The following ANO3 variants were observed in gnomAD, a reference collection of about 807,000 sequenced individuals.
ANO3 encodes anoctamin 3, also known as anoctamin-3.
ANO3 carries 99 observed loss-of-function variants against 144.8 expected under a neutral mutation model. The observed-to-expected ratio is 0.68, with a 90% CI of 0.58 to 0.81. The LOEUF (loss-of-function observed/expected upper bound fraction) is 0.81. ANO3 is among the 30% of genes least tolerant of loss of function. The pLI is 0.00. For missense variants in ANO3, 905 were observed against 1,202.2 expected (o/e 0.75, Z 3.66); for synonymous variants, 414 against 392.6 (o/e 1.05, Z -0.64).
At chr11:26,243,284 C>T (rs1334045835) in intron 1 of ANO3, among the ~76,000 whole-genome samples, 8 of 151,106 alleles carry the variant, frequency 5.3e-5, no homozygotes, top group Admixed American at 5.3e-4. Flanking sequence ...TCTCTCTCAC[C>T]CTCTCTCTCT....
chr11:26,336,709 A>G (rs1365306655), intron 1 of ANO3, among the ~76,000 whole-genome samples: 1 of 151,498 alleles, frequency 6.6e-6, no homozygotes, highest in Non-Finnish European at 1.5e-5. Context: ...CTTACAATCT[A>G]GAACCTCCCT....
chr11:26,459,623 TAGGCC>T (rs1859305747), intron 3 of ANO3, among the ~76,000 whole-genome samples: 2 of 151,834 alleles, frequency 1.3e-5, no homozygotes, highest in South Asian at 2.1e-4. Context: ...TATATATATA[TAGGCC>T]AGGCCAGGCT....
chr11:26,261,680 T>C (rs949050446), intron 1 of ANO3, among the ~76,000 whole-genome samples: 1 of 152,192 alleles, frequency 6.6e-6, no homozygotes, highest in Non-Finnish European at 1.5e-5. Context: ...AACTGTTTCA[T>C]TTTAGATGGG....
At chr11:26,291,005 G>A (rs1853943605) in intron 1 of ANO3, among the ~76,000 whole-genome samples, 1 of 152,140 alleles carries the variant, frequency 6.6e-6, no homozygotes, top group Non-Finnish European at 1.5e-5. Context: ...TGTTGACAGT[G>A]GGATGTTAAA....
chr11:26,471,143 A>T (rs1429537770), intron 4 of ANO3, among the ~76,000 whole-genome samples: 1 of 152,004 alleles, frequency 6.6e-6, no homozygotes, highest in African/African-American at 2.4e-5. Context: ...TAAGGAATTA[A>T]CAGAAACGTT....
chr11:26,622,345 AT>A (rs1206648996), intron 17 of ANO3, among the ~76,000 whole-genome samples: 4 of 151,480 alleles, frequency 2.6e-5, no homozygotes, highest in Admixed American at 1.3e-4. Flanking sequence ...GTGGTGGCTC[AT>A]GTCTGTAATC....
intron 18 of ANO3, 69 bp downstream of exon 18, chr11:26,624,567 C>A: frequency 2.7e-6 from 3 of 1,130,080 alleles, no homozygotes; most frequent in Admixed American, 3.9e-5. Flanking sequence ...TCTGTAGTTA[C>A]TTTATATAAT....
chr11:26,193,452 T>C (rs551287810), intron 1 of ANO3, among the ~76,000 whole-genome samples: 14 of 152,178 alleles, frequency 9.2e-5, no homozygotes, highest in Admixed American at 2.0e-4. Flanking sequence ...ATTTTGCCTA[T>C]CTTTAGATGA....
chr11:26,644,699 G>A (rs540633230), intron 23 of ANO3, among the ~76,000 whole-genome samples: 28 of 152,090 alleles, frequency 1.8e-4, no homozygotes, highest in East Asian at 7.7e-4. Flanking sequence ...TTTTCTAACC[G>A]TGAGATTAAG....
intron 4 of ANO3, among the ~76,000 whole-genome samples, chr11:26,502,239 T>A (rs575513673): frequency 2.2e-4 from 33 of 152,302 alleles, no homozygotes; most frequent in African/African-American, 7.7e-4. Context: ...TGATTTTTTT[T>A]AGTTAAAATA....
At chr11:26,341,438 C>T (rs1364584059) in intron 1 of ANO3, among the ~76,000 whole-genome samples, 1 of 152,090 alleles carries the variant, frequency 6.6e-6, no homozygotes, top group Non-Finnish European at 1.5e-5. Flanking sequence ...ATTTCAGTTT[C>T]TTTAGTTATG....
At chr11:26,450,672 T>A (rs1033637306) in intron 3 of ANO3, among the ~76,000 whole-genome samples, 1 of 152,172 alleles carries the variant, frequency 6.6e-6, no homozygotes, top group Admixed American at 6.5e-5. Flanking sequence ...AATGGAGATA[T>A]CAATATTAAT....
intron 1 of ANO3, among the ~76,000 whole-genome samples, chr11:26,251,041 A>T (rs11600572): frequency 0.22 from 34,191 of 152,084 alleles, 4,631 homozygotes; most frequent in South Asian, 0.29. Flanking sequence ...GATCAGCATC[A>T]TCAAAGAGTA....
Position 26,596,511 on chromosome 11 carries a change from G to A in ANO3, c.1448-1854G>A, listed in dbSNP as rs536688232. Among the ~76,000 whole-genome samples the A allele has an allele frequency of 8.6e-4, 131 of 152,298 alleles. 1 individual carries two copies. The highest frequency in any genetic ancestry group is 6.8e-3 in the Middle Eastern group (2 of 294). ...TCCCACATAACTGCCCATGTCGAGA[G>A]CTGTATGCCTGAATTGGGAGAGTCA... On this transcript the variant is annotated intron_variant, in intron 14 of 26. Coordinates refer to ENST00000256737, the MANE Select transcript of ANO3 (RefSeq NM_031418.4).
intron 1 of ANO3, among the ~76,000 whole-genome samples, chr11:26,238,014 A>T (rs1001303823): frequency 6.6e-6 from 1 of 152,106 alleles, no homozygotes; most frequent in East Asian, 1.9e-4. Flanking sequence ...TGTTAGACAA[A>T]CTGTGTACTT....
chr11:26,550,318 T>C (rs1350805242), intron 12 of ANO3, among the ~76,000 whole-genome samples: 2 of 151,968 alleles, frequency 1.3e-5, no homozygotes, highest in Non-Finnish European at 2.9e-5. Flanking sequence ...AATAAATTTT[T>C]AAGTGCACAA....
upstream of ANO3, among the ~76,000 whole-genome samples, chr11:26,328,993 T>C (rs920446007): frequency 2.0e-5 from 3 of 152,156 alleles, no homozygotes; most frequent in South Asian, 2.1e-4. Flanking sequence ...CTGTGTATTA[T>C]ACATTAATCA....
chr11:26,192,266 TC>T (rs1851492668), intron 1 of ANO3, among the ~76,000 whole-genome samples: 1 of 152,186 alleles, frequency 6.6e-6, no homozygotes, highest in South Asian at 2.1e-4. Context: ...TTTAATAGAG[TC>T]AAGTTTTATT....
At chr11:26,392,401 T>A (rs531034406) in intron 1 of ANO3, among the ~76,000 whole-genome samples, 1 of 152,228 alleles carries the variant, frequency 6.6e-6, no homozygotes, top group East Asian at 1.9e-4. Context: ...ATATATGATT[T>A]ACCTTTTGAT....
Sources: gnomAD v4.1 joint callset for allele counts (sites outside exome capture counted in the v4.1 genomes callset) on GRCh38, gnomAD v4.1.1 for gene constraint, MANE v1.5 for transcripts, NCBI Gene and HGNC (gene_info 2026-07-23, HGNC 2026-07-21) for gene names.